Variants in MID1 observed in about 807,000 individuals in gnomAD.
MID1 encodes the protein E3 ubiquitin-protein ligase Midline-1.
A neutral mutation model predicts 40.4 loss-of-function variants in MID1; 7 were observed. That is an observed-to-expected ratio of 0.17 (90% confidence interval 0.10 to 0.33). The LOEUF is 0.33. Among genes scored for constraint, MID1 ranks in the 10% least tolerant of loss-of-function variants. The probability of loss-of-function intolerance (pLI) is 1.00; values close to 1 mark genes in which losing one functional copy is unlikely to be tolerated. For synonymous variants in MID1, 229 were observed against 221.2 expected (o/e 1.04, Z -0.31); for missense variants, 367 against 558.5 (o/e 0.66, Z 3.46).
chrX:10,719,557 C>G (rs1283354569), intron 1 of MID1, among the ~76,000 whole-genome samples: 4 of 111,727 alleles, frequency 3.6e-5, no homozygotes, highest in Middle Eastern at 4.2e-3. Context: ...AGGATACAAA[C>G]AAATGGAAGA....
In MID1 at chrX:10,704,493, G is replaced by A. The variant is rs766320141; in HGVS notation, c.-186-84074C>T. Among the ~76,000 whole-genome samples, 7 of 108,280 alleles carry A rather than the reference G, an allele frequency of 6.5e-5. No individual in the cohort carries two copies. The South Asian group carries it at 2.4e-3, about 38-fold the overall frequency. The allele number at this position is 108,280 out of a possible 115,157, so 94.0% of individuals were successfully genotyped here. A position where few individuals can be genotyped will look rare whatever the true frequency, so the allele number is the denominator to read the frequency against. ...AGTAGCTCTGCCTCCCAGCCTTTATGGGCCCCCAGACTCTTCTGAATGTTG... is the reference window on the plus strand; with the variant it reads ...AGTAGCTCTGCCTCCCAGCCTTTATAGGCCCCCAGACTCTTCTGAATGTTG... On this transcript the variant is annotated intron_variant, in intron 1 of 10. Transcript: ENST00000380785.
upstream of MID1, among the ~76,000 whole-genome samples, chrX:10,624,658 T>C (rs2072178873): frequency 8.9e-6 from 1 of 112,026 alleles, no homozygotes; most frequent in African/African-American, 3.2e-5. Context: ...CTGCCTAGGC[T>C]GGAGTGCAGT....
intron 1 of MID1, chrX:10,589,667 C>T (rs756856951): frequency 9.0e-6 from 1 of 111,077 alleles, no homozygotes; most frequent in Non-Finnish European, 1.9e-5. Flanking sequence ...GGGGGCCTGC[C>T]ACACACGGCT....
intron 8 of MID1, among the ~76,000 whole-genome samples, chrX:10,455,660 T>C: frequency 8.9e-6 from 1 of 112,160 alleles, no homozygotes; most frequent in Non-Finnish European, 1.9e-5. Context: ...ATCTTGGGTC[T>C]TAACATATAG....
At chrX:10,528,502 A>G (rs973007291) in intron 2 of MID1, among the ~76,000 whole-genome samples, 2 of 111,908 alleles carry the variant, frequency 1.8e-5, no homozygotes, top group South Asian at 3.8e-4. Context: ...TTTATTGGCC[A>G]TATGTTCTTG....
At position 10,469,716 on chromosome X, in the gene MID1, G is replaced by A. The variant is rs148477118; in HGVS notation, c.1266C>T (p.Thr422=). The A allele has an allele frequency of 1.2e-3, 1,483 of 1,209,683 alleles. 15 individuals are homozygous for A. Among genetic ancestry groups the A allele is most frequent in the Non-Finnish European group, 3.3e-4 (299 of 894,943 alleles). Residue 422 remains threonine (T), a synonymous_variant, in exon 7 of 10, where the codon ACC becomes ACT. Transcript: ENST00000317552. ...VSYELQYTIF[T]GQANVVSLCN... ...ACTCACTAACGACGTTGGCTTGTCC[G>A]GTGAATATGGTGTACTGGAGCTCGT...
chrX:10,645,849 T>G (rs1936255839), intron 1 of MID1, among the ~76,000 whole-genome samples: 1 of 111,680 alleles, frequency 9.0e-6, no homozygotes, highest in South Asian at 3.8e-4. Flanking sequence ...CCCTCAACTC[T>G]CCTGGATTGG....
At chrX:10,787,657 C>A (rs763794421) in intron 1 of MID1, among the ~76,000 whole-genome samples, 1 of 99,270 alleles carries the variant, frequency 1.0e-5, no homozygotes, top group Non-Finnish European at 2.0e-5. Context: ...ACAATCCTCT[C>A]GGCTAAGCCT....
intron 3 of MID1, among the ~76,000 whole-genome samples, chrX:10,522,019 T>C (rs1239177164): frequency 1.8e-5 from 2 of 111,308 alleles, no homozygotes; most frequent in Non-Finnish European, 3.8e-5. Flanking sequence ...TTTTGTATTT[T>C]TTAATAGAGA....
At chrX:10,760,455 C>T (rs2043669522) in intron 1 of MID1, among the ~76,000 whole-genome samples, 1 of 111,754 alleles carries the variant, frequency 8.9e-6, no homozygotes, top group African/African-American at 3.3e-5. Context: ...TTTATACTGT[C>T]CCCACAAACA....
At chrX:10,566,800 C>A in intron 2 of MID1, 88 bp downstream of exon 2, 1 of 1,021,657 alleles carries the variant, frequency 9.8e-7, no homozygotes, top group Non-Finnish European at 1.4e-6. Context: ...AAAACCTTCA[C>A]CTGCCATGTA....
intron 4 of MID1, among the ~76,000 whole-genome samples, chrX:10,486,369 G>A (rs1213024645): frequency 8.9e-6 from 1 of 111,881 alleles, no homozygotes; most frequent in African/African-American, 3.2e-5. Flanking sequence ...TTGTCAGAAG[G>A]CCCCACCATC....
At chrX:10,801,533 C>A (rs781729942) in intron 1 of MID1, among the ~76,000 whole-genome samples, 5 of 111,635 alleles carry the variant, frequency 4.5e-5, no homozygotes, top group African/African-American at 1.6e-4. Context: ...ACCTTCCTGA[C>A]TCTCTGTTTT....
intron 1 of MID1, among the ~76,000 whole-genome samples, chrX:10,618,826 G>C (rs374069536): frequency 1.8e-5 from 2 of 111,760 alleles, no homozygotes; most frequent in Admixed American, 1.9e-4. Flanking sequence ...AGGTGGCTCT[G>C]CACAGGATCA....
At chrX:10,486,637 A>C (rs193183621) in intron 4 of MID1, among the ~76,000 whole-genome samples, 1 of 112,213 alleles carries the variant, frequency 8.9e-6, no homozygotes, top group Non-Finnish European at 1.9e-5. Context: ...CTCAAGAGAA[A>C]AGGAGTGCGG....
intron 1 of MID1, among the ~76,000 whole-genome samples, chrX:10,793,418 C>T (rs996340995): frequency 8.9e-6 from 1 of 112,333 alleles, no homozygotes; most frequent in Non-Finnish European, 1.9e-5. Flanking sequence ...TATCAGCCTG[C>T]ACCTCACTCC....
chrX:10,820,655 T>C (rs2044168349), intron 1 of MID1, among the ~76,000 whole-genome samples: 1 of 110,977 alleles, frequency 9.0e-6, no homozygotes, highest in South Asian at 3.8e-4. Context: ...CAAGCAGATG[T>C]TTGCATTCTA....
chrX:10,559,882 GTTT>G (rs372238140), intron 2 of MID1, among the ~76,000 whole-genome samples: 1 of 99,726 alleles, frequency 1.0e-5, no homozygotes, highest in Admixed American at 1.1e-4. Flanking sequence ...TTCATTGTGG[GTTT>G]TTTTTTTTTT....
At chrX:10,791,711 T>C (rs775172717) in intron 1 of MID1, among the ~76,000 whole-genome samples, 2 of 110,861 alleles carry the variant, frequency 1.8e-5, no homozygotes, top group Non-Finnish European at 3.8e-5. Flanking sequence ...TTTCTGAGTT[T>C]AGGAAGGTTT....
Sources: allele counts gnomAD v4.1 joint callset (sites outside exome capture counted in the v4.1 genomes callset), GRCh38; gene constraint gnomAD v4.1.1; transcripts MANE v1.5; gene names NCBI Gene and HGNC (gene_info 2026-07-23, HGNC 2026-07-21).